The following KCNJ6 variants were observed in gnomAD, a reference collection of about 807,000 sequenced individuals.
The protein encoded by KCNJ6 is G protein-activated inward rectifier potassium channel 2.
Under a neutral mutation model 34.2 loss-of-function variants are expected in KCNJ6, and 9 were observed. The observed-to-expected ratio is 0.26, with a 90% CI of 0.16 to 0.46. KCNJ6 has a LOEUF of 0.46. KCNJ6 is among the 20% of genes least tolerant of loss of function. The pLI is 1.00. For missense variants in KCNJ6, 236 were observed against 531.3 expected (o/e 0.44, Z 5.46); for synonymous variants, 196 against 207.1 (o/e 0.95, Z 0.46).
intron 2 of KCNJ6, among the ~76,000 whole-genome samples, chr21:37,778,405 G>A (rs777604568): frequency 5.3e-5 from 8 of 152,110 alleles, no homozygotes; most frequent in Non-Finnish European, 1.2e-4. Context: ...AGAGAACATG[G>A]AAAGACAAGA....
intron 1 of KCNJ6, among the ~76,000 whole-genome samples, chr21:37,887,865 G>A (rs572019114): frequency 6.6e-6 from 1 of 152,326 alleles, no homozygotes; most frequent in African/African-American, 2.4e-5. Flanking sequence ...AATGTGGAAG[G>A]AAAGTCACGG....
chr21:37,836,936 G>T (rs908510281), intron 2 of KCNJ6, among the ~76,000 whole-genome samples: 1 of 152,072 alleles, frequency 6.6e-6, no homozygotes, highest in African/African-American at 2.4e-5. Context: ...AAGGTTGAAA[G>T]TTCACAGGCT....
chr21:37,882,765 C>T (rs1220690093), intron 1 of KCNJ6, among the ~76,000 whole-genome samples: 8 of 152,260 alleles, frequency 5.3e-5, no homozygotes, highest in African/African-American at 1.4e-4. Context: ...GACTTAAGCT[C>T]GACAAAAATA....
chr21:37,703,447 G>T (rs2835900), intron 3 of KCNJ6, among the ~76,000 whole-genome samples: 44,065 of 152,038 alleles, frequency 0.29, 6,808 homozygotes, highest in Middle Eastern at 0.37. Context: ...CATGAGACCA[G>T]GTTGCTATCT....
intron 1 of KCNJ6, among the ~76,000 whole-genome samples, chr21:37,877,359 G>A (rs190343125): frequency 3.9e-5 from 6 of 152,208 alleles, no homozygotes; most frequent in African/African-American, 7.2e-5. Flanking sequence ...AAAACTGACC[G>A]CATGAGAACA....
At chr21:37,664,114 T>A (rs1475897759) in intron 3 of KCNJ6, among the ~76,000 whole-genome samples, 2 of 152,170 alleles carry the variant, frequency 1.3e-5, no homozygotes, top group Non-Finnish European at 2.9e-5. Context: ...TCTAAATAAT[T>A]TATCAGTTAA....
At position 37,617,220 on chromosome 21, in the gene KCNJ6, CTTTT is replaced by C. The variant is rs1178156746; in HGVS notation, c.*7935_*7938del. ...TCCTTCCTTCCTTCCTTCCTTCCTT[CTTTT>C]CTTTCTTTTTTTGAGACTGAGTCTC... On this transcript the variant is annotated 3_prime_UTR_variant, in exon 4 of 4. Transcript: ENST00000609713. 146 of 118,590 alleles carry C rather than the reference CTTTT, an allele frequency of 1.2e-3. No individual in the cohort carries two copies. Among genetic ancestry groups the C allele is most frequent in the African/African-American group, 4.4e-3 (135 of 30,562 alleles). The allele number at this position is 118,590 out of a possible 1,614,324, so 7.3% of individuals were successfully genotyped here.
chr21:37,758,645 A>AT (rs61156792), intron 2 of KCNJ6, among the ~76,000 whole-genome samples: 8,355 of 150,470 alleles, frequency 0.056, 772 homozygotes, highest in African/African-American at 0.19. Context: ...AGCAATAGAG[A>AT]TTTTTTTTTT....
chr21:37,640,333 C>G (rs1001614717), intron 3 of KCNJ6, among the ~76,000 whole-genome samples: 1 of 152,226 alleles, frequency 6.6e-6, no homozygotes, highest in Non-Finnish European at 1.5e-5. Flanking sequence ...CTAGGACAGG[C>G]TACTTCACCT....
chr21:37,801,050 G>C (rs1183866182), intron 2 of KCNJ6, among the ~76,000 whole-genome samples: 4 of 152,170 alleles, frequency 2.6e-5, no homozygotes, highest in African/African-American at 9.7e-5. Context: ...GAGTATCCTT[G>C]TTTAGGACAA....
In KCNJ6 at chr21:37,665,541, A is replaced by C. The variant is rs577388205; in HGVS notation, c.947-40057T>G. Among the ~76,000 whole-genome samples, 5 of 152,352 alleles carry C rather than the reference A, an allele frequency of 3.3e-5. No individual in the cohort carries two copies. The South Asian group carries it at 1.0e-3, about 32-fold the overall frequency. Reference sequence around the variant, plus strand: ...TTAATTACTCCGCTGAATTTCTAGCAGGGAGATTGCAACCTTGGTGAGTGA... The same window carrying C: ...TTAATTACTCCGCTGAATTTCTAGCCGGGAGATTGCAACCTTGGTGAGTGA... On this transcript the variant is annotated intron_variant, in intron 3 of 3. Coordinates refer to ENST00000609713, the MANE Select transcript of KCNJ6 (RefSeq NM_002240.5).
chr21:37,680,654 T>C (rs2054586725), intron 3 of KCNJ6, among the ~76,000 whole-genome samples: 1 of 152,184 alleles, frequency 6.6e-6, no homozygotes, highest in Non-Finnish European at 1.5e-5. Flanking sequence ...TGCCTGACTG[T>C]ACTACAGCTG....
chr21:37,743,533 C>A (rs2054951459), intron 2 of KCNJ6, among the ~76,000 whole-genome samples: 1 of 152,046 alleles, frequency 6.6e-6, no homozygotes, highest in Non-Finnish European at 1.5e-5. Flanking sequence ...TGGATTAATG[C>A]TGCTATTGAG....
chr21:37,855,684 C>G (rs1369936101), intron 1 of KCNJ6, among the ~76,000 whole-genome samples: 13 of 152,212 alleles, frequency 8.5e-5, no homozygotes, highest in African/African-American at 3.1e-4. Context: ...GGGGACCAGT[C>G]ATTGCAGAAT....
At chr21:37,902,568 G>T (rs2055821937) in intron 1 of KCNJ6, among the ~76,000 whole-genome samples, 1 of 152,126 alleles carries the variant, frequency 6.6e-6, no homozygotes, top group African/African-American at 2.4e-5. Flanking sequence ...AAGGATTATA[G>T]AAATATTATT....
intron 1 of KCNJ6, among the ~76,000 whole-genome samples, chr21:37,892,946 G>A (rs1402148490): frequency 3.4e-5 from 5 of 147,620 alleles, no homozygotes; most frequent in African/African-American, 5.0e-5. Context: ...TCCACCTCCC[G>A]GGTTCACACT....
chr21:37,895,993 G>A (rs986926798), intron 1 of KCNJ6, among the ~76,000 whole-genome samples: 4 of 152,182 alleles, frequency 2.6e-5, no homozygotes, highest in African/African-American at 7.2e-5. Flanking sequence ...AAAGAAAAGA[G>A]TTTTAAGGGG....
chr21:37,722,508 G>A (rs1480050003), intron 2 of KCNJ6, among the ~76,000 whole-genome samples: 4 of 152,212 alleles, frequency 2.6e-5, no homozygotes, highest in East Asian at 1.9e-4. Flanking sequence ...TACAAAGCCA[G>A]AAGCATCACA....
chr21:37,642,550 G>A (rs996120198), intron 3 of KCNJ6, among the ~76,000 whole-genome samples: 8 of 152,164 alleles, frequency 5.3e-5, no homozygotes, highest in Admixed American at 1.3e-4. Flanking sequence ...AAGTGTTTGA[G>A]GTGAGGAGGT....
Sources: allele counts gnomAD v4.1 joint callset (sites outside exome capture counted in the v4.1 genomes callset), GRCh38; gene constraint gnomAD v4.1.1; transcripts MANE v1.5; gene names NCBI Gene and HGNC (gene_info 2026-07-23, HGNC 2026-07-21).